The following EP300 variants were observed in gnomAD, a reference collection of about 807,000 sequenced individuals.
EP300 encodes histone acetyltransferase p300.
Under a neutral mutation model 264.0 loss-of-function variants are expected in EP300, and 31 were observed. The observed-to-expected ratio is 0.12, with a 90% confidence interval of 0.09 to 0.16. EP300 has a LOEUF of 0.16. EP300 is among the 10% of genes least tolerant of loss of function. EP300 has a pLI of 1.00. For missense variants in EP300, 2,766 were observed against 3,052.9 expected, an observed-to-expected ratio of 0.91 and a Z score of 2.21; for synonymous variants, 1,340 against 1,045.4, an observed-to-expected ratio of 1.28 and a Z score of -5.44.
intron 17 of EP300, 96 bp downstream of exon 17, chr22:41,155,209 C>A: frequency 2.0e-6 from 2 of 980,544 alleles, no homozygotes; most frequent in East Asian, 2.4e-5. Flanking sequence ...CCACTCATTT[C>A]AAATTTGTAA....
At chr22:41,111,449 A>G (rs112905047) in intron 1 of EP300, among the ~76,000 whole-genome samples, 11 of 152,290 alleles carry the variant, frequency 7.2e-5, no homozygotes, top group African/African-American at 2.4e-4. Context: ...TTATAGTGTG[A>G]TGATATATGT....
intron 1 of EP300, among the ~76,000 whole-genome samples, chr22:41,109,449 A>G (rs2058776658): frequency 6.6e-6 from 1 of 152,114 alleles, no homozygotes; most frequent in Non-Finnish European, 1.5e-5. Context: ...GTTGAGATGA[A>G]TGAGAATAAA....
Position 41,127,532 on chromosome 22 carries a change from C to T in EP300, c.952C>T (p.Pro318Ser), listed in dbSNP as rs762647727. 2 of 1,614,086 alleles carry T rather than the reference C, an allele frequency of 1.2e-6. No homozygotes were observed. Among genetic ancestry groups the T allele is most frequent in the Admixed American group, 1.7e-5 (1 of 59,998 alleles). The change falls in exon 4 of 31, where the codon CCA (proline) becomes TCA (serine). Residue 318 changes from proline (P) to serine (S), a missense_variant. Coordinates refer to ENST00000263253, the MANE Select transcript of EP300 (RefSeq NM_001429.4). ...GGTCCAGCAGCCAGGCCTGGTGACTCCAGTTGCCCAAGGGATGGGTTCTGG... is the reference window on the plus strand; with the variant it reads ...GGTCCAGCAGCCAGGCCTGGTGACTTCAGTTGCCCAAGGGATGGGTTCTGG... ...PQVQQPGLVTPVAQGMGSGAH... is the reference protein window; with the variant it reads ...PQVQQPGLVTSVAQGMGSGAH...
chr22:41,103,588 C>T (rs1271297934), intron 1 of EP300, among the ~76,000 whole-genome samples: 1 of 152,038 alleles, frequency 6.6e-6, no homozygotes, highest in Admixed American at 6.6e-5. Context: ...AATTAACATA[C>T]CTTAGAAGTA....
intron 28 of EP300, 87 bp from the exon 29 acceptor site, chr22:41,173,536 A>G (rs2059182724): frequency 1.5e-6 from 2 of 1,310,294 alleles, no homozygotes; most frequent in South Asian, 1.3e-5. Flanking sequence ...TATGATATCT[A>G]GTTTCAAAGA....
In EP300 at chr22:41,150,098, C is replaced by G; in HGVS notation, c.2717C>G (p.Ser906Cys). 1 of 1,613,584 alleles carries G rather than the reference C, an allele frequency of 6.2e-7. No individual in the cohort carries two copies. Among genetic ancestry groups the G allele is most frequent in the Middle Eastern group, 1.6e-4 (1 of 6,062 alleles). Residue 906 changes from serine (S) to cysteine (C), a missense_variant, in exon 14 of 31, where the codon TCT becomes TGT. Physicochemically the swap from Ser to Cys is moderately radical, Grantham distance 112. Transcript: ENST00000263253. ...CAGCCTTCACTTCCTGCTGCACCTTCTGCTGACCAGCCCCAGCAGCAGCCT... is the reference window on the plus strand; with the variant it reads ...CAGCCTTCACTTCCTGCTGCACCTTGTGCTGACCAGCCCCAGCAGCAGCCT... ...QVQPSLPAAPSADQPQQQPRS... is the reference protein window; with the variant it reads ...QVQPSLPAAPCADQPQQQPRS...
intron 10 of EP300, 74 bp from the exon 11 acceptor site, chr22:41,146,665 T>G: frequency 1.6e-6 from 2 of 1,256,498 alleles, no homozygotes; most frequent in Admixed American, 3.4e-5. Flanking sequence ...TTTGTGGGGT[T>G]TGTGTGTGCA....
At chr22:41,109,219 A>G (rs987384695) in intron 1 of EP300, among the ~76,000 whole-genome samples, 2 of 143,354 alleles carry the variant, frequency 1.4e-5, no homozygotes, top group African/African-American at 5.2e-5. Context: ...CCGTCGCTCC[A>G]CTCCAGGCTG....
chr22:41,143,954 G>A (rs2058997000), intron 10 of EP300, among the ~76,000 whole-genome samples: 1 of 152,164 alleles, frequency 6.6e-6, no homozygotes, highest in African/African-American at 2.4e-5. Flanking sequence ...AGGACTATGT[G>A]TATTGGCCTA....
intron 2 of EP300, among the ~76,000 whole-genome samples, chr22:41,118,826 CAG>C (rs920174184): frequency 4.6e-4 from 70 of 151,450 alleles, no homozygotes; most frequent in African/African-American, 1.6e-3. Context: ...TTGATGGTGA[CAG>C]AGAATGCAAG....
rs1192001020 is a variant in EP300, at chr22:41,179,916, A to ACACACACT, written c.*961_*968dup. 2.6e-5 allele frequency: 4 copies of ACACACACT among 151,824 alleles called. No individual in the cohort carries two copies. Among genetic ancestry groups the ACACACACT allele is most frequent in the African/African-American group, 1.2e-4 (4 of 34,600 alleles). 9.4% of individuals were successfully genotyped at this position (151,824 alleles called of 1,614,324 possible). A position where few individuals can be genotyped will look rare whatever the true frequency, so the allele number is the denominator to read the frequency against. On this transcript the variant is annotated 3_prime_UTR_variant, in exon 31 of 31. Coordinates refer to ENST00000263253, the MANE Select transcript of EP300 (RefSeq NM_001429.4). ...CACACACACACACACACACACACAC[A>ACACACACT]CACACACTTTCTATAAAACTTGAAA...
chr22:41,119,284 A>G (rs940938972), intron 2 of EP300, among the ~76,000 whole-genome samples: 2 of 149,484 alleles, frequency 1.3e-5, no homozygotes, highest in East Asian at 3.9e-4. Context: ...CAGCCTCCCA[A>G]AGTGCCAGGA....
chr22:41,165,007 G>A (rs532045335), intron 22 of EP300, among the ~76,000 whole-genome samples: 65 of 152,278 alleles, frequency 4.3e-4, no homozygotes, highest in South Asian at 2.5e-3. Flanking sequence ...TGTTGTTCCT[G>A]ATTTGGAGGT....
chr22:41,124,426 A>G (rs1569094166), intron 2 of EP300, among the ~76,000 whole-genome samples: 1 of 152,188 alleles, frequency 6.6e-6, no homozygotes, highest in South Asian at 2.1e-4. Context: ...CACTGTCATC[A>G]GTGTCCCTAC....
At chr22:41,098,713 T>C (rs1225480296) in intron 1 of EP300, among the ~76,000 whole-genome samples, 1 of 152,134 alleles carries the variant, frequency 6.6e-6, no homozygotes, top group African/African-American at 2.4e-5. Flanking sequence ...AAACTAAAAG[T>C]ACTGAAAAGA....
intron 1 of EP300, among the ~76,000 whole-genome samples, chr22:41,101,283 C>A (rs1227807614): frequency 6.6e-6 from 1 of 152,026 alleles, no homozygotes; most frequent in African/African-American, 2.4e-5. Context: ...CCGTGTTGGC[C>A]AGGCTGGTCT....
chr22:41,109,103 C>A (rs1341243949), intron 1 of EP300, among the ~76,000 whole-genome samples: 1 of 151,858 alleles, frequency 6.6e-6, no homozygotes, highest in Non-Finnish European at 1.5e-5. Flanking sequence ...GGTGAGACCC[C>A]CATCTCAACA....
intron 1 of EP300, among the ~76,000 whole-genome samples, chr22:41,107,845 C>T (rs1054465268): frequency 2.0e-5 from 3 of 151,914 alleles, no homozygotes; most frequent in Non-Finnish European, 4.4e-5. Context: ...GGATTACAGG[C>T]ATGTGCCACC....
intron 8 of EP300, among the ~76,000 whole-genome samples, chr22:41,138,504 T>C (rs2058964703): frequency 6.6e-6 from 1 of 152,154 alleles, no homozygotes; most frequent in Non-Finnish European, 1.5e-5. Context: ...TAGGGTGGAC[T>C]CTCTGGTCTT....
Sources: gnomAD v4.1 joint callset for allele counts (sites outside exome capture counted in the v4.1 genomes callset) on GRCh38, gnomAD v4.1.1 for gene constraint, MANE v1.5 for transcripts, NCBI Gene and HGNC (gene_info 2026-07-23, HGNC 2026-07-21) for gene names.